Variants in ABCA13 observed in about 807,000 individuals in gnomAD.
ABCA13 encodes ATP binding cassette subfamily A member 13.
A neutral mutation model predicts 478.7 loss-of-function variants in ABCA13; 476 were observed. That is an observed-to-expected ratio of 0.99 (90% confidence interval 0.92 to 1.07). The LOEUF (loss-of-function observed/expected upper bound fraction) is 1.07, where lower values mean the gene tolerates loss of function less well. Among genes scored for constraint, ABCA13 ranks in the 50% least tolerant of loss-of-function variants. The pLI, the probability that ABCA13 is intolerant of heterozygous loss-of-function variation, is 0.00. For missense variants in ABCA13, 6,060 were observed against 5,910.6 expected (o/e 1.03, Z -0.83); for synonymous variants, 2,252 against 2,158.9 (o/e 1.04, Z -1.20).
chr7:48,598,922 G>T (rs1441549795), intron 58 of ABCA13, among the ~76,000 whole-genome samples: 1 of 151,826 alleles, frequency 6.6e-6, no homozygotes, highest in Non-Finnish European at 1.5e-5. Flanking sequence ...AATTATTTCA[G>T]CACTCTTCCT....
At chr7:48,501,270 C>T (rs1563358460) in intron 48 of ABCA13, among the ~76,000 whole-genome samples, 1 of 152,104 alleles carries the variant, frequency 6.6e-6, no homozygotes, top group East Asian at 1.9e-4. Flanking sequence ...CCCTCTCATT[C>T]TCTGTGTATT....
intron 42 of ABCA13, among the ~76,000 whole-genome samples, chr7:48,440,065 A>G (rs1823374706): frequency 6.6e-6 from 1 of 152,132 alleles, no homozygotes; most frequent in Non-Finnish European, 1.5e-5. Flanking sequence ...GTTTTTCCTT[A>G]CCTTTACATA....
chr7:48,586,527 T>C lies in ABCA13; in HGVS notation c.14506-627T>C, dbSNP rs80040113. On this transcript the variant is annotated intron_variant, in intron 56 of 61. Transcript: ENST00000435803. ...CTCGTTTATAGGGGGGAGCTTAACA[T>C]TGGGTACACATGGGCACAAACATGG... 2.3e-3 allele frequency among the ~76,000 whole-genome samples: 354 copies of C among 152,104 alleles called. 1 individual carries two copies. Among genetic ancestry groups the C allele is most frequent in the African/African-American group, 8.2e-3 (339 of 41,480 alleles).
At chr7:48,525,670 CTTTTTT>C (rs538127881) in intron 54 of ABCA13, among the ~76,000 whole-genome samples, 2 of 68,332 alleles carry the variant, frequency 2.9e-5, no homozygotes, top group Admixed American at 1.7e-4. Flanking sequence ...TTTAGATGCG[CTTTTTT>C]TTTTTTTTTT....
chr7:48,174,557 T>C (rs912572123), intron 1 of ABCA13, among the ~76,000 whole-genome samples: 9 of 152,272 alleles, frequency 5.9e-5, no homozygotes, highest in Non-Finnish European at 1.0e-4. Context: ...CTATAGATTG[T>C]TAAAATTCTA....
rs184144969 is a variant in ABCA13 at position 48,309,856 on chromosome 7, G to C, written c.9322-91G>C. On this transcript the variant is annotated intron_variant, in intron 23 of 61. Coordinates refer to ENST00000435803, the MANE Select transcript of ABCA13 (RefSeq NM_152701.5). ...CGGGAGTTGGGAAATCCACTCTTGG[G>C]CGACTCCCTGCCGATGAAGCTCCGG... 1.5e-3 allele frequency: 2,151 copies of C among 1,456,126 alleles called. 1 individual carries two copies. The highest frequency in any genetic ancestry group is 1.6e-3 in the Non-Finnish European group (1,717 of 1,061,306). 90.2% of individuals were successfully genotyped at this position (1,456,126 alleles called of 1,614,324 possible).
At position 48,279,702 on chromosome 7, in the gene ABCA13, A is replaced by G. The variant is rs752254985; in HGVS notation, c.8508A>G (p.Glu2836=). 1.1e-5 allele frequency: 18 copies of G among 1,613,698 alleles called. No individual in the cohort carries two copies. In the East Asian group the frequency reaches 3.6e-4, roughly 32 times the overall value. Residue 2836 remains glutamate, a synonymous_variant, in exon 18 of 62, where the codon GAA becomes GAG. Coordinates refer to ENST00000435803, the MANE Select transcript of ABCA13 (RefSeq NM_152701.5). ...AAGGACTTCTGTTTAACAACTCTGA[A>G]TGGATAACTTCCACAAGAACTTTGT... is the stretch of plus-strand genomic sequence containing the variant. The part of the protein sequence containing the change: ...WRKGLLFNNS[E]WITSTRTLFQ...
At chr7:48,317,007 A>G (rs764014684) in intron 26 of ABCA13, 150 bp from the exon 27 acceptor site, 5 of 917,892 alleles carry the variant, frequency 5.4e-6, no homozygotes, top group Non-Finnish European at 7.9e-6. Context: ...CAGATATTCA[A>G]ACTATAGCAC....
intron 42 of ABCA13, among the ~76,000 whole-genome samples, chr7:48,430,468 G>A (rs1821989131): frequency 6.6e-6 from 1 of 152,092 alleles, no homozygotes; most frequent in Admixed American, 6.6e-5. Context: ...GAGGTCAGGA[G>A]ATCAAGACCA....
chr7:48,513,474 C>G (rs1349817079), intron 51 of ABCA13, among the ~76,000 whole-genome samples: 1 of 152,024 alleles, frequency 6.6e-6, no homozygotes, highest in Non-Finnish European at 1.5e-5. Context: ...AAAACAGAGC[C>G]TAACTTACAT....
intron 31 of ABCA13, among the ~76,000 whole-genome samples, chr7:48,364,010 C>A (rs1015451410): frequency 6.6e-6 from 1 of 152,060 alleles, no homozygotes; most frequent in Non-Finnish European, 1.5e-5. Context: ...TTATTTCTTG[C>A]CCAAATGTTG....
At position 48,637,557 on chromosome 7, in the gene ABCA13, G is replaced by A. The variant is rs567898183; in HGVS notation, c.14838-5731G>A. Reference sequence around the variant, plus strand: ...ACTCTAGGGTATTTCTGAAATGAAGGGAAATGTTCAGAGACCATTAAAAAT... The same window carrying A: ...ACTCTAGGGTATTTCTGAAATGAAGAGAAATGTTCAGAGACCATTAAAAAT... On this transcript the variant is annotated intron_variant, in intron 59 of 61. Coordinates refer to ENST00000435803, the MANE Select transcript of ABCA13 (RefSeq NM_152701.5). 6.6e-5 allele frequency among the ~76,000 whole-genome samples: 10 copies of A among 152,128 alleles called. 1 individual carries two copies. The South Asian group carries it at 2.1e-3, about 32-fold the overall frequency.
intron 58 of ABCA13, chr7:48,603,886 A>C (rs910099053): frequency 6.6e-6 from 1 of 152,124 alleles, no homozygotes; most frequent in African/African-American, 2.4e-5. Context: ...GTAGGCTATT[A>C]ATTACTGCCT....
At chr7:48,394,558 C>A (rs1037701620) in intron 38 of ABCA13, among the ~76,000 whole-genome samples, 9 of 152,206 alleles carry the variant, frequency 5.9e-5, no homozygotes, top group African/African-American at 2.2e-4. Context: ...TCATGACAGC[C>A]TCTGTGTATT....
chr7:48,208,084 T>C (rs1225118640), intron 3 of ABCA13, among the ~76,000 whole-genome samples: 1 of 152,112 alleles, frequency 6.6e-6, no homozygotes, highest in South Asian at 2.1e-4. Context: ...TTGGAGCCTT[T>C]GTAAAAAATG....
At chr7:48,283,863 A>G (rs1584622451) in intron 19 of ABCA13, among the ~76,000 whole-genome samples, 1 of 152,230 alleles carries the variant, frequency 6.6e-6, no homozygotes, top group Admixed American at 6.5e-5. Context: ...GAGATTGAAC[A>G]GGCTGAGTTC....
At chr7:48,565,015 G>T (rs1467673271) in intron 55 of ABCA13, among the ~76,000 whole-genome samples, 1 of 152,064 alleles carries the variant, frequency 6.6e-6, no homozygotes, top group Admixed American at 6.6e-5. Flanking sequence ...AACTGAACCT[G>T]TGTGTGTCAT....
At chr7:48,503,109 T>G (rs1830900450) in intron 48 of ABCA13, among the ~76,000 whole-genome samples, 1 of 152,204 alleles carries the variant, frequency 6.6e-6, no homozygotes, top group Non-Finnish European at 1.5e-5. Flanking sequence ...TTGAGAGAGA[T>G]GAGGTCTCAC....
intron 55 of ABCA13, among the ~76,000 whole-genome samples, chr7:48,571,479 GC>G (rs1269654348): frequency 1.3e-5 from 2 of 150,312 alleles, no homozygotes; most frequent in African/African-American, 5.0e-5. Context: ...AGAATTCTAG[GC>G]TAGCTTTTTT....
Sources: allele counts gnomAD v4.1 joint callset (sites outside exome capture counted in the v4.1 genomes callset), GRCh38; gene constraint gnomAD v4.1.1; transcripts MANE v1.5; gene names NCBI Gene and HGNC (gene_info 2026-07-23, HGNC 2026-07-21).